Variants in TENM3 observed in about 807,000 individuals in gnomAD.
TENM3 encodes teneurin-3.
A neutral mutation model predicts 255.1 loss-of-function variants in TENM3; 63 were observed. That is an observed-to-expected ratio of 0.25 (90% CI 0.20 to 0.30). The LOEUF is 0.30. Ranked by LOEUF, TENM3 falls within the 10% of genes least tolerant of loss-of-function variation. The probability of loss-of-function intolerance (pLI) is 1.00; values close to 1 mark genes in which losing one functional copy is unlikely to be tolerated. For synonymous variants in TENM3, 1,306 were observed against 1,322.3 expected, an observed-to-expected ratio of 0.99 and a Z score of 0.27; for missense variants, 2,929 against 3,461.1, an observed-to-expected ratio of 0.85 and a Z score of 3.86.
intron 12 of TENM3, among the ~76,000 whole-genome samples, chr4:182,695,025 G>A (rs965254680): frequency 1.1e-4 from 17 of 152,178 alleles, no homozygotes; most frequent in African/African-American, 4.1e-4. Context: ...GTGTTTCCCA[G>A]ATTGAGCATC....
the TENM3 span, among the ~76,000 whole-genome samples, chr4:181,536,317 G>T: frequency 6.6e-6 from 1 of 152,146 alleles, no homozygotes; most frequent in Non-Finnish European, 1.5e-5. Context: ...CATTATGCAG[G>T]TCAGGAATAA....
chr4:181,541,495 G>C, the TENM3 span, among the ~76,000 whole-genome samples: 1 of 152,128 alleles, frequency 6.6e-6, no homozygotes, highest in South Asian at 2.1e-4. Flanking sequence ...GACTGATTTA[G>C]ATGAGTCATG....
At chr4:181,782,619 C>T in the TENM3 span, among the ~76,000 whole-genome samples, 1 of 152,008 alleles carries the variant, frequency 6.6e-6, no homozygotes, top group Non-Finnish European at 1.5e-5. Context: ...TCTGTATCTC[C>T]TTCAGTTCTT....
chr4:181,693,739 G>A, the TENM3 span, among the ~76,000 whole-genome samples: 1 of 152,130 alleles, frequency 6.6e-6, no homozygotes, highest in African/African-American at 2.4e-5. Flanking sequence ...TGTCCCTTCC[G>A]GAAATCCTAC....
intron 5 of TENM3, among the ~76,000 whole-genome samples, chr4:182,640,992 G>A (rs575575605): frequency 5.3e-5 from 8 of 152,304 alleles, no homozygotes; most frequent in Admixed American, 2.0e-4. Flanking sequence ...CCCAGAGGCC[G>A]TAGTGGGTTC....
intron 3 of TENM3, among the ~76,000 whole-genome samples, chr4:182,489,851 T>C (rs61148790): frequency 1.2e-3 from 23 of 18,920 alleles, no homozygotes; most frequent in Middle Eastern, 0.019. Flanking sequence ...CCCTCCTTCC[T>C]TTTCTTCCCT....
At chr4:181,718,483 T>C in the TENM3 span, among the ~76,000 whole-genome samples, 3 of 152,198 alleles carry the variant, frequency 2.0e-5, no homozygotes, top group Non-Finnish European at 4.4e-5. Context: ...TCTTTTTACC[T>C]CCTATAGTGG....
chr4:181,767,218 C>G, the TENM3 span, among the ~76,000 whole-genome samples: 12 of 142,200 alleles, frequency 8.4e-5, no homozygotes, highest in South Asian at 2.2e-3. Flanking sequence ...TGCCACTGCG[C>G]TCCAGCCTGG....
the TENM3 span, among the ~76,000 whole-genome samples, chr4:181,695,948 G>A: frequency 4.0e-5 from 6 of 151,546 alleles, no homozygotes; most frequent in Non-Finnish European, 7.4e-5. Context: ...AATTTAGGGG[G>A]TAAAACAGCA....
the TENM3 span, among the ~76,000 whole-genome samples, chr4:181,885,317 A>C: frequency 6.6e-6 from 1 of 152,298 alleles, no homozygotes; most frequent in East Asian, 1.9e-4. Context: ...GGCTGGAGTG[A>C]AGTGGTGAGA....
At chr4:182,662,594 C>T (rs929682702) in intron 6 of TENM3, among the ~76,000 whole-genome samples, 6 of 152,198 alleles carry the variant, frequency 3.9e-5, no homozygotes, top group African/African-American at 1.4e-4. Flanking sequence ...GGTTCAGGCT[C>T]TAGGGCTTTA....
chr4:181,718,554 G>A, the TENM3 span, among the ~76,000 whole-genome samples: 294 of 152,286 alleles, frequency 1.9e-3, no homozygotes, highest in African/African-American at 6.7e-3. Context: ...AGAGATGAAA[G>A]CCAGGATTTG....
chr4:182,765,944 T>C (rs1001933322), intron 22 of TENM3, among the ~76,000 whole-genome samples: 3 of 152,230 alleles, frequency 2.0e-5, no homozygotes, highest in Admixed American at 6.5e-5. Context: ...ATATTGCATA[T>C]TGCATTTCGG....
At chr4:182,051,363 A>G in the TENM3 span, among the ~76,000 whole-genome samples, 1 of 143,618 alleles carries the variant, frequency 7.0e-6, no homozygotes, top group Non-Finnish European at 1.5e-5. Flanking sequence ...AAGCAAATGA[A>G]GTTATTTTTC....
At chr4:182,124,721 T>G in the TENM3 span, among the ~76,000 whole-genome samples, 1 of 152,216 alleles carries the variant, frequency 6.6e-6, no homozygotes, top group African/African-American at 2.4e-5. Flanking sequence ...TGGGTTCAAG[T>G]ACGATAAGTC....
chr4:181,928,082 TA>T, the TENM3 span, among the ~76,000 whole-genome samples: 1 of 151,900 alleles, frequency 6.6e-6, no homozygotes, highest in African/African-American at 2.4e-5. Flanking sequence ...AAAACCAGTA[TA>T]AAAAGGCTGA....
At chr4:181,525,396 CAAAAAAAA>C in the TENM3 span, among the ~76,000 whole-genome samples, 1,045 of 97,306 alleles carry the variant, frequency 0.011, 10 homozygotes, top group Non-Finnish European at 0.016. Flanking sequence ...GACCCTGTTT[CAAAAAAAA>C]AAAAAAAAAA....
the TENM3 span, among the ~76,000 whole-genome samples, chr4:182,105,104 T>G: frequency 2.0e-5 from 3 of 152,200 alleles, no homozygotes; most frequent in Admixed American, 6.5e-5. Flanking sequence ...TCCCAGCTAC[T>G]CCGGAGGCTG....
chr4:182,553,286 T>G (rs1742243701), intron 3 of TENM3, among the ~76,000 whole-genome samples: 1 of 147,558 alleles, frequency 6.8e-6, no homozygotes. Context: ...CATAAATCGT[T>G]TAGAAAATTG....
Sources: gnomAD v4.1 joint callset for allele counts (sites outside exome capture counted in the v4.1 genomes callset) on GRCh38, gnomAD v4.1.1 for gene constraint, MANE v1.5 for transcripts, NCBI Gene and HGNC (gene_info 2026-07-23, HGNC 2026-07-21) for gene names.